DOCK2: variants seen among roughly 807,000 people sequenced by gnomAD.
DOCK2 encodes dedicator of cytokinesis 2.
Under a neutral mutation model 248.9 loss-of-function variants are expected in DOCK2, and 87 were observed. That is an observed-to-expected ratio of 0.35 (90% confidence interval 0.29 to 0.42). DOCK2 has a LOEUF of 0.42. Among genes scored for constraint, DOCK2 ranks in the 10% least tolerant of loss-of-function variants. DOCK2 has a pLI of 1.00. For missense variants in DOCK2, 1,747 were observed against 2,300.2 expected, an observed-to-expected ratio of 0.76 and a Z score of 4.92; for synonymous variants, 805 against 821.6, an observed-to-expected ratio of 0.98 and a Z score of 0.35.
At chr5:169,844,475 T>A (rs1770183416) in intron 27 of DOCK2, among the ~76,000 whole-genome samples, 1 of 152,222 alleles carries the variant, frequency 6.6e-6, no homozygotes, top group Non-Finnish European at 1.5e-5. Flanking sequence ...CACCTTGGCC[T>A]TGGCTCACCG....
chr5:169,929,490 A>C (rs902078539), intron 27 of DOCK2, among the ~76,000 whole-genome samples: 2 of 152,102 alleles, frequency 1.3e-5, no homozygotes, highest in Non-Finnish European at 2.9e-5. Context: ...TCATCCCAGC[A>C]CTTTGGAAGG....
At chr5:169,646,943 C>A (rs1757503246) in intron 1 of DOCK2, among the ~76,000 whole-genome samples, 1 of 152,182 alleles carries the variant, frequency 6.6e-6, no homozygotes, top group Non-Finnish European at 1.5e-5. Context: ...GAGTGATGGT[C>A]CTTAGCTGGG....
At chr5:170,043,157 C>T (rs570511681) in intron 38 of DOCK2, among the ~76,000 whole-genome samples, 3 of 152,290 alleles carry the variant, frequency 2.0e-5, no homozygotes, top group East Asian at 3.9e-4. Flanking sequence ...GAACATTGCT[C>T]GGTGGCCACA....
At chr5:169,757,753 A>T (rs1764269470) in intron 23 of DOCK2, among the ~76,000 whole-genome samples, 1 of 152,208 alleles carries the variant, frequency 6.6e-6, no homozygotes, top group Non-Finnish European at 1.5e-5. Context: ...AATACCCAAA[A>T]TAAGAATAGA....
At chr5:169,967,658 T>G (rs1004840091) in intron 27 of DOCK2, among the ~76,000 whole-genome samples, 14 of 152,094 alleles carry the variant, frequency 9.2e-5, no homozygotes, top group Non-Finnish European at 2.1e-4. Flanking sequence ...TATAGAGAGA[T>G]CACACTCTGA....
chr5:169,846,345 G>A (rs1047029918), intron 27 of DOCK2, among the ~76,000 whole-genome samples: 10 of 152,144 alleles, frequency 6.6e-5, no homozygotes, highest in Admixed American at 5.9e-4. Flanking sequence ...GTTGGGCTTA[G>A]GGCTTTGCGA....
In DOCK2 at chr5:169,754,637, C is replaced by T. The variant is rs116539275; in HGVS notation, c.2377-5068C>T. 2.1e-3 allele frequency among the ~76,000 whole-genome samples: 324 copies of T among 152,268 alleles called. 1 individual carries two copies. The highest frequency in any genetic ancestry group is 7.1e-3 in the African/African-American group (297 of 41,540). On this transcript the variant is annotated intron_variant, in intron 23 of 51. Transcript: ENST00000520908. The stretch of plus-strand genomic sequence containing the variant: ...GCCTTCTCGCCCCTGCTGAATCCTC[C>T]CCACTTGCCGAGATAGAATGCCTTT...
intron 27 of DOCK2, among the ~76,000 whole-genome samples, chr5:169,930,091 G>A (rs944711728): frequency 3.3e-5 from 5 of 152,066 alleles, no homozygotes; most frequent in Non-Finnish European, 7.4e-5. Context: ...CCTGGGTTCC[G>A]GTGATTCCCC....
chr5:169,883,523 T>C (rs1170073082), intron 27 of DOCK2: 11 of 1,551,646 alleles, frequency 7.1e-6, no homozygotes, highest in Non-Finnish European at 9.6e-6. Flanking sequence ...TGGGAGGCTG[T>C]TGGCATTTCC....
At chr5:169,897,151 T>C (rs1773656208) in intron 27 of DOCK2, among the ~76,000 whole-genome samples, 1 of 151,914 alleles carries the variant, frequency 6.6e-6, no homozygotes, top group Non-Finnish European at 1.5e-5. Context: ...CCTTATGAGA[T>C]TTGGAAAGTA....
chr5:169,956,957 A>G (rs898250460), intron 27 of DOCK2, among the ~76,000 whole-genome samples: 6 of 152,084 alleles, frequency 3.9e-5, no homozygotes, highest in African/African-American at 1.4e-4. Context: ...TTCCTTGAGT[A>G]TGTCTCAATC....
At chr5:169,925,318 C>T (rs998038461) in intron 27 of DOCK2, among the ~76,000 whole-genome samples, 3 of 152,090 alleles carry the variant, frequency 2.0e-5, no homozygotes, top group East Asian at 1.9e-4. Context: ...CAGATGGGTC[C>T]TGGTAAGAGC....
At chr5:169,923,483 GCACACACACA>G (rs34053722) in intron 27 of DOCK2, among the ~76,000 whole-genome samples, 1 of 148,830 alleles carries the variant, frequency 6.7e-6, no homozygotes, top group African/African-American at 2.5e-5. Flanking sequence ...ATGCACGTGG[GCACACACACA>G]CACACACACA....
chr5:169,681,964 C>A, intron 7 of DOCK2, 85 bp downstream of exon 7: 1 of 1,550,672 alleles, frequency 6.4e-7, no homozygotes, highest in South Asian at 1.2e-5. Flanking sequence ...ATGAACCAGA[C>A]TGTGTATTAT....
At chr5:169,809,300 T>A (rs1430475576) in intron 26 of DOCK2, among the ~76,000 whole-genome samples, 1 of 152,208 alleles carries the variant, frequency 6.6e-6, no homozygotes, top group Non-Finnish European at 1.5e-5. Flanking sequence ...CAGGTTTTGA[T>A]GTTTTTGTTC....
At chr5:169,968,016 G>A (rs991334653) in intron 27 of DOCK2, among the ~76,000 whole-genome samples, 3 of 152,168 alleles carry the variant, frequency 2.0e-5, no homozygotes, top group Non-Finnish European at 4.4e-5. Context: ...GTTAATATGA[G>A]CTGCCCATGA....
intron 26 of DOCK2, among the ~76,000 whole-genome samples, chr5:169,814,706 T>C (rs1767960270): frequency 6.6e-6 from 1 of 152,188 alleles, no homozygotes; most frequent in Non-Finnish European, 1.5e-5. Context: ...AAGAAGCTTA[T>C]TTTTGAAGTA....
chr5:169,996,033 G>A lies in DOCK2; in HGVS notation c.2994-53G>A. ...AATTTTAGTCTGGCATAAGGACGAA[G>A]GAACTTAAGGGATCATGCTCAGACA... On this transcript the variant is annotated intron_variant, in intron 29 of 51. Coordinates refer to ENST00000520908, the MANE Select transcript of DOCK2 (RefSeq NM_004946.3). The A allele has an allele frequency of 2.5e-6, 4 of 1,588,324 alleles. No homozygotes were observed. In the Admixed American group the frequency reaches 5.2e-5, roughly 21 times the overall value.
At chr5:169,843,641 A>G (rs768657866) in intron 27 of DOCK2, among the ~76,000 whole-genome samples, 17 of 152,234 alleles carry the variant, frequency 1.1e-4, no homozygotes, top group Non-Finnish European at 1.8e-4. Context: ...ATAGTTATGC[A>G]ACCATCACCG....
Sources: allele counts gnomAD v4.1 joint callset (sites outside exome capture counted in the v4.1 genomes callset), GRCh38; gene constraint gnomAD v4.1.1; transcripts MANE v1.5; gene names NCBI Gene and HGNC (gene_info 2026-07-23, HGNC 2026-07-21).